The following ATP8B4 variants were observed in gnomAD, a reference collection of about 807,000 sequenced individuals.
ATP8B4 encodes ATPase phospholipid transporting 8B4 (putative), also known as probable phospholipid-transporting ATPase IM.
ATP8B4 carries 133 observed loss-of-function variants against 145.6 expected under a neutral mutation model. The observed-to-expected ratio is 0.91, with a 90% CI of 0.79 to 1.05. The LOEUF (loss-of-function observed/expected upper bound fraction) is 1.05. Ranked by LOEUF, ATP8B4 falls within the 50% of genes least tolerant of loss-of-function variation. ATP8B4 has a pLI of 0.00. For synonymous variants in ATP8B4, 507 were observed against 492.9 expected (o/e 1.03, Z -0.38); for missense variants, 1,458 against 1,425.2 (o/e 1.02, Z -0.37).
chr15:49,968,885 C>T (rs1031679044), intron 13 of ATP8B4, among the ~76,000 whole-genome samples: 1 of 152,172 alleles, frequency 6.6e-6, no homozygotes, highest in Non-Finnish European at 1.5e-5. Context: ...TAAAACACTC[C>T]TCAGCAAATG....
intron 7 of ATP8B4, among the ~76,000 whole-genome samples, chr15:50,004,863 C>CT (rs2048189459): frequency 6.6e-6 from 1 of 152,056 alleles, no homozygotes; most frequent in Non-Finnish European, 1.5e-5. Context: ...TTAATAAAGG[C>CT]AGAATATAAG....
chr15:50,171,811 C>T (rs1373058480), intron 1 of ATP8B4, among the ~76,000 whole-genome samples: 1 of 151,776 alleles, frequency 6.6e-6, no homozygotes, highest in African/African-American at 2.4e-5. Flanking sequence ...ATTGACAGAC[C>T]ATTAGGAAGA....
In ATP8B4 at chr15:49,981,284, A is replaced by T. The variant is rs2046131483; in HGVS notation, c.759T>A (p.Thr253=). 6.2e-7 allele frequency: 1 copy of T among 1,607,540 alleles called. No homozygotes were observed. Residue 253 remains threonine, a synonymous_variant, in exon 11 of 28, where the codon ACT becomes ACA. Coordinates refer to ENST00000284509, the MANE Select transcript of ATP8B4 (RefSeq NM_024837.4). ...TCTTACCACTATTCTGCATTAGTTT[A>T]GTGTCAGGACCTGCAAAAACAAAAA... ...FGMVIFAGPD[T]KLMQNSGKTK... is the part of the protein sequence containing the mutation.
At chr15:50,017,079 T>G (rs934654097) in intron 6 of ATP8B4, among the ~76,000 whole-genome samples, 21 of 152,328 alleles carry the variant, frequency 1.4e-4, no homozygotes, top group African/African-American at 4.6e-4. Flanking sequence ...ATCATTTCAA[T>G]TTCAATACTA....
rs375762664 is a variant in ATP8B4, at chr15:49,994,621, A to G, written c.589+2056T>C. On this transcript the variant is annotated intron_variant, in intron 9 of 27. Coordinates refer to ENST00000284509, the MANE Select transcript of ATP8B4 (RefSeq NM_024837.4). ...AGTATGCCAGACAGTGCTAAGTGCT[A>G]TAAGAAGAAGAAAAAGCCAAGCAGG... 1.1e-4 allele frequency among the ~76,000 whole-genome samples: 16 copies of G among 152,148 alleles called. No individual in the cohort carries two copies. The East Asian group carries it at 1.6e-3, about 15-fold the overall frequency.
At chr15:50,156,063 TAAATAAATAA>T (rs752920650) in intron 1 of ATP8B4, among the ~76,000 whole-genome samples, 714 of 29,386 alleles carry the variant, frequency 0.024, 8 homozygotes, top group African/African-American at 0.047. Flanking sequence ...TGGTAATAAA[TAAATAAATAA>T]ATATATATAT....
rs1393661856 is a variant in ATP8B4 at position 49,915,355 on chromosome 15, C to T, written c.2141+1579G>A. Among the ~76,000 whole-genome samples the T allele has an allele frequency of 2.6e-5, 4 of 151,984 alleles. No individual in the cohort carries two copies. In the East Asian group the frequency reaches 5.8e-4, roughly 22 times the overall value. ...AGAGAGGTTGGTTAATTAGTACAAA[C>T]GTATAGTTAGATGGAAGGAATAAAT... On this transcript the variant is annotated intron_variant, in intron 20 of 27. Coordinates refer to ENST00000284509, the MANE Select transcript of ATP8B4 (RefSeq NM_024837.4).
intron 6 of ATP8B4, among the ~76,000 whole-genome samples, chr15:50,024,886 C>G (rs1460737783): frequency 6.6e-6 from 1 of 152,142 alleles, no homozygotes; most frequent in Non-Finnish European, 1.5e-5. Flanking sequence ...TAACACAGAA[C>G]ACTAGGGTAA....
At chr15:49,956,881 A>G (rs906425385) in intron 14 of ATP8B4, among the ~76,000 whole-genome samples, 2 of 152,212 alleles carry the variant, frequency 1.3e-5, no homozygotes, top group African/African-American at 2.4e-5. Flanking sequence ...TCTTGAAATT[A>G]GAGGGTGAAC....
intron 6 of ATP8B4, among the ~76,000 whole-genome samples, chr15:50,025,552 T>C (rs1011755898): frequency 6.6e-6 from 1 of 152,194 alleles, no homozygotes; most frequent in Admixed American, 6.5e-5. Flanking sequence ...TAACTCCTAG[T>C]CATCATTATG....
At chr15:50,051,645 G>C (rs2052195156) in intron 3 of ATP8B4, among the ~76,000 whole-genome samples, 1 of 152,146 alleles carries the variant, frequency 6.6e-6, no homozygotes, top group Non-Finnish European at 1.5e-5. Context: ...GAAAAGAATG[G>C]GGAAGATTAA....
chr15:49,952,864 G>C (rs1289896554), intron 14 of ATP8B4, among the ~76,000 whole-genome samples: 1 of 152,020 alleles, frequency 6.6e-6, no homozygotes, highest in Non-Finnish European at 1.5e-5. Context: ...TGAGGCTGCT[G>C]ACCCTTGGAT....
At chr15:50,084,223 C>T (rs1249426210) in intron 2 of ATP8B4, among the ~76,000 whole-genome samples, 1 of 152,146 alleles carries the variant, frequency 6.6e-6, no homozygotes, top group East Asian at 1.9e-4. Context: ...GAGGACATCA[C>T]CACAGTCTCA....
intron 3 of ATP8B4, 106 bp from the exon 4 acceptor site, chr15:50,047,570 T>G: frequency 1.4e-6 from 1 of 730,578 alleles, no homozygotes; most frequent in Non-Finnish European, 2.3e-6. Context: ...GATAAGCCGG[T>G]TATCTAGGAA....
intron 1 of ATP8B4, among the ~76,000 whole-genome samples, chr15:50,173,068 C>T (rs1300759564): frequency 4.0e-5 from 6 of 148,580 alleles, no homozygotes; most frequent in Non-Finnish European, 7.5e-5. Context: ...CCTCCCCATC[C>T]GGGAGGTGGG....
intron 6 of ATP8B4, among the ~76,000 whole-genome samples, chr15:50,017,909 G>A (rs907810024): frequency 1.3e-5 from 2 of 151,954 alleles, no homozygotes; most frequent in African/African-American, 4.8e-5. Context: ...ATTTCAAGAT[G>A]TCACTTCAAA....
At position 49,916,952 on chromosome 15, in the gene ATP8B4, T is replaced by G; in HGVS notation, c.2123A>C (p.Glu708Ala). ...CACCTACCTGAGTTCTTCTCTCACT[T>G]CCACAGCATTATTCCCTGCTATCAC... Reference protein sequence around the residue: ...VFVIAGNNAVEVREELRKAKQ... With the variant: ...VFVIAGNNAVAVREELRKAKQ... Residue 708 changes from glutamate (E) to alanine (A), a missense_variant, in exon 20 of 28, where the codon GAA (glutamate) becomes GCA (alanine). Coordinates refer to ENST00000284509, the MANE Select transcript of ATP8B4 (RefSeq NM_024837.4). The G allele has an allele frequency of 6.2e-7, 1 of 1,613,774 alleles. No homozygotes were observed. Among genetic ancestry groups the G allele is most frequent in the Non-Finnish European group, 8.5e-7 (1 of 1,179,800 alleles).
chr15:49,947,287 C>T (rs1246117794), intron 14 of ATP8B4, among the ~76,000 whole-genome samples: 2 of 151,786 alleles, frequency 1.3e-5, no homozygotes, highest in Admixed American at 6.6e-5. Flanking sequence ...AAACATTAGC[C>T]GGGCGTGGTG....
At chr15:49,999,210 A>C (rs1406316546) in intron 8 of ATP8B4, among the ~76,000 whole-genome samples, 1 of 152,128 alleles carries the variant, frequency 6.6e-6, no homozygotes, top group Non-Finnish European at 1.5e-5. Context: ...AGCCAAAAAA[A>C]ATGATGAGTT....
Sources: allele counts gnomAD v4.1 joint callset (sites outside exome capture counted in the v4.1 genomes callset), GRCh38; gene constraint gnomAD v4.1.1; transcripts MANE v1.5; gene names NCBI Gene and HGNC (gene_info 2026-07-23, HGNC 2026-07-21).